HMCN1: variants seen among roughly 807,000 people sequenced by gnomAD.
HMCN1 encodes hemicentin-1.
In HMCN1, 321 loss-of-function variants were observed where a neutral mutation model predicts 625.9. The observed-to-expected ratio is 0.51, with a 90% CI of 0.47 to 0.56. The LOEUF is 0.56. Among genes scored for constraint, HMCN1 ranks in the 20% least tolerant of loss-of-function variants. HMCN1 has a pLI of 0.00. For missense variants in HMCN1, 6,588 were observed against 6,887.3 expected (o/e 0.96, Z 1.54); for synonymous variants, 2,425 against 2,417.6 (o/e 1.00, Z -0.09).
rs576103475 is a variant in HMCN1, at chr1:185,902,241, AT to A, written c.622-7086del. ...ATATTCAGATACTTTTTTTATATAA[AT>A]TTTTTTTTTGTTTAGTAATGTAAAA... On this transcript the variant is annotated intron_variant, in intron 4 of 106. Transcript: ENST00000271588. 8.9e-3 allele frequency among the ~76,000 whole-genome samples: 1,333 copies of A among 149,388 alleles called. 16 individuals are homozygous for A. The highest frequency in any genetic ancestry group is 0.028 in the African/African-American group (1,152 of 40,888).
Position 186,090,372 on chromosome 1 carries a change from A to G in HMCN1, c.9728-386A>G, listed in dbSNP as rs188477137. ...GCCAAGTTTTTATAAGACAGAGTCT[A>G]TAAGTCTAGTGAATTAAGAGCAAAA... On this transcript the variant is annotated intron_variant, in intron 63 of 106. Coordinates refer to ENST00000271588, the MANE Select transcript of HMCN1 (RefSeq NM_031935.3). Among the ~76,000 whole-genome samples, 20 of 152,122 alleles carry G rather than the reference A, an allele frequency of 1.3e-4. No homozygotes were observed. In the East Asian group the frequency reaches 2.9e-3, roughly 22 times the overall value.
At position 186,003,739 on chromosome 1, in the gene HMCN1, C is replaced by T. The variant is rs555536798; in HGVS notation, c.4370C>T (p.Thr1457Ile). The T allele has an allele frequency of 3.7e-6, 6 of 1,613,188 alleles. No individual in the cohort carries two copies. The highest frequency in any genetic ancestry group is 8.5e-7 in the Non-Finnish European group (1 of 1,179,322). Residue 1457 changes from threonine to isoleucine, a missense_variant, in exon 29 of 107, where the codon ACC (threonine) becomes ATC (isoleucine). Physicochemically the swap from Thr to Ile is moderately conservative, Grantham distance 89. Transcript: ENST00000271588. Reference protein sequence around the residue: ...DVLVPPTIIGTNFPNEVSVVL... With the variant: ...DVLVPPTIIGINFPNEVSVVL... ...CAAGTTCCACCCACCATAATAGGTA[C>T]CAACTTCCCAAATGAAGTCTCAGTT... is the stretch of plus-strand genomic sequence containing the variant.
intron 80 of HMCN1, among the ~76,000 whole-genome samples, chr1:186,122,226 G>A (rs1661429747): frequency 1.3e-5 from 2 of 152,130 alleles, no homozygotes; most frequent in Admixed American, 1.3e-4. Flanking sequence ...AAATGTAATG[G>A]TAAGCACAAA....
chr1:185,765,610 T>G (rs1655824640), intron 1 of HMCN1, among the ~76,000 whole-genome samples: 1 of 152,204 alleles, frequency 6.6e-6, no homozygotes, highest in Non-Finnish European at 1.5e-5. Context: ...TAAGGAGGCA[T>G]GATAACATGT....
At chr1:186,008,414 CA>C (rs1465255582) in intron 30 of HMCN1, among the ~76,000 whole-genome samples, 4 of 151,894 alleles carry the variant, frequency 2.6e-5, no homozygotes, top group African/African-American at 9.7e-5. Flanking sequence ...TGATTATATC[CA>C]AAATGTTATT....
intron 2 of HMCN1, among the ~76,000 whole-genome samples, chr1:185,850,669 C>T (rs1662105258): frequency 6.6e-6 from 1 of 152,088 alleles, no homozygotes; most frequent in South Asian, 2.1e-4. Flanking sequence ...TATAATTTTA[C>T]CTTTGTTCAG....
At chr1:185,816,466 T>G (rs1027174114) in intron 1 of HMCN1, among the ~76,000 whole-genome samples, 4 of 152,208 alleles carry the variant, frequency 2.6e-5, no homozygotes. Flanking sequence ...TGTATATCAA[T>G]ATATTGGATA....
intron 1 of HMCN1, among the ~76,000 whole-genome samples, chr1:185,779,478 A>G (rs1348644569): frequency 6.6e-6 from 1 of 152,194 alleles, no homozygotes; most frequent in Non-Finnish European, 1.5e-5. Context: ...TTATGGTTTT[A>G]GGTCTAACAT....
chr1:185,775,261 A>G (rs1160778701), intron 1 of HMCN1, among the ~76,000 whole-genome samples: 1 of 152,120 alleles, frequency 6.6e-6, no homozygotes, highest in African/African-American at 2.4e-5. Flanking sequence ...AATCCAGCCC[A>G]TCGTTGTGGC....
chr1:186,011,266 C>T (rs1164727663), intron 30 of HMCN1, among the ~76,000 whole-genome samples: 2 of 152,110 alleles, frequency 1.3e-5, no homozygotes, highest in Non-Finnish European at 2.9e-5. Context: ...AGGATGGTCT[C>T]GAACTCCTGA....
At chr1:185,937,882 A>AAATAATAAT (rs200950894) in intron 11 of HMCN1, among the ~76,000 whole-genome samples, 23 of 142,636 alleles carry the variant, frequency 1.6e-4, no homozygotes, top group Non-Finnish European at 2.4e-4. Context: ...CTCCATCTCA[A>AAATAATAAT]AATAATAATA....
intron 102 of HMCN1, among the ~76,000 whole-genome samples, chr1:186,173,556 G>A (rs1005581045): frequency 1.4e-5 from 2 of 145,488 alleles, no homozygotes; most frequent in East Asian, 4.0e-4. Flanking sequence ...TGGGAGGATC[G>A]TTTGAACCCA....
At chr1:185,906,201 A>T (rs1005615798) in intron 4 of HMCN1, among the ~76,000 whole-genome samples, 3 of 151,834 alleles carry the variant, frequency 2.0e-5, no homozygotes, top group Non-Finnish European at 4.4e-5. Context: ...GCTTGCAGTG[A>T]TCTACTTTTA....
intron 11 of HMCN1, among the ~76,000 whole-genome samples, chr1:185,945,533 C>A (rs954382076): frequency 9.2e-5 from 14 of 152,122 alleles, no homozygotes; most frequent in African/African-American, 3.4e-4. Flanking sequence ...GGCAATAACA[C>A]AAATAAATAT....
intron 53 of HMCN1, 140 bp downstream of exon 53, chr1:186,075,031 AT>A: frequency 1.4e-6 from 1 of 712,260 alleles, no homozygotes; most frequent in African/African-American, 1.8e-5. Flanking sequence ...AGACTCGAGA[AT>A]TAAAGAAGGA....
intron 4 of HMCN1, among the ~76,000 whole-genome samples, chr1:185,892,913 G>A (rs974269596): frequency 2.6e-5 from 4 of 152,094 alleles, no homozygotes; most frequent in South Asian, 2.1e-4. Context: ...CCCCAGCCTC[G>A]CTGCCGCCTT....
chr1:186,149,801 A>T (rs1057201213), intron 93 of HMCN1, among the ~76,000 whole-genome samples: 24 of 152,142 alleles, frequency 1.6e-4, no homozygotes, highest in African/African-American at 5.6e-4. Flanking sequence ...GCCTAGTTTC[A>T]ATATTGTGTC....
intron 5 of HMCN1, among the ~76,000 whole-genome samples, chr1:185,910,866 G>C (rs995261188): frequency 2.0e-5 from 3 of 152,124 alleles, no homozygotes; most frequent in East Asian, 3.9e-4. Flanking sequence ...ACCGTGCCTG[G>C]CCTAACTTAT....
intron 100 of HMCN1, among the ~76,000 whole-genome samples, chr1:186,171,114 G>A (rs961424307): frequency 6.6e-6 from 1 of 152,160 alleles, no homozygotes; most frequent in Non-Finnish European, 1.5e-5. Context: ...ACATAGTTAT[G>A]TGTCATTAGC....
Sources: gnomAD v4.1 joint callset for allele counts (sites outside exome capture counted in the v4.1 genomes callset) on GRCh38, gnomAD v4.1.1 for gene constraint, MANE v1.5 for transcripts, NCBI Gene and HGNC (gene_info 2026-07-23, HGNC 2026-07-21) for gene names.